FRMD3: variants seen among roughly 807,000 people sequenced by gnomAD.
FRMD3 encodes FERM domain containing 3.
In FRMD3, 33 loss-of-function variants were observed where a neutral mutation model predicts 70.2. The ratio of observed to expected loss-of-function variants is 0.47; its 90% CI spans 0.36 to 0.63. The LOEUF is 0.63. Among genes scored for constraint, FRMD3 ranks in the 20% least tolerant of loss-of-function variants. The pLI is 0.00. For synonymous variants in FRMD3, 279 were observed against 255.9 expected (o/e 1.09, Z -0.86); for missense variants, 632 against 711.4 (o/e 0.89, Z 1.27).
chr9:83,389,243 C>T (rs1019887496), intron 2 of FRMD3, among the ~76,000 whole-genome samples: 3 of 152,096 alleles, frequency 2.0e-5, no homozygotes, highest in South Asian at 2.1e-4. Context: ...CCACAGAGCC[C>T]AGCCTCAATA....
chr9:83,583,155 G>C, the FRMD3 span, among the ~76,000 whole-genome samples: 1 of 152,104 alleles, frequency 6.6e-6, no homozygotes, highest in Non-Finnish European at 1.5e-5. Context: ...ATTCGCTTTA[G>C]AGAAACTATT....
At chr9:83,271,346 T>C (rs1833544272) in intron 13 of FRMD3, among the ~76,000 whole-genome samples, 1 of 152,210 alleles carries the variant, frequency 6.6e-6, no homozygotes, top group African/African-American at 2.4e-5. Context: ...AAGTATCCAT[T>C]AAAAAGAGTC....
At chr9:83,579,084 C>T in the FRMD3 span, among the ~76,000 whole-genome samples, 4 of 151,646 alleles carry the variant, frequency 2.6e-5, no homozygotes, top group Admixed American at 6.6e-5. Flanking sequence ...AAAATTTAAA[C>T]CTTAGGGGTA....
At chr9:83,563,284 A>T in the FRMD3 span, among the ~76,000 whole-genome samples, 1 of 152,024 alleles carries the variant, frequency 6.6e-6, no homozygotes, top group Non-Finnish European at 1.5e-5. Context: ...ACTCCACACC[A>T]CTTCCTTCAG....
At chr9:83,561,091 A>T in the FRMD3 span, among the ~76,000 whole-genome samples, 1 of 152,082 alleles carries the variant, frequency 6.6e-6, no homozygotes, top group African/African-American at 2.4e-5. Flanking sequence ...TTTAACCCCA[A>T]GTTTGCTTTT....
intron 1 of FRMD3, among the ~76,000 whole-genome samples, chr9:83,427,599 A>C (rs1364656958): frequency 1.3e-5 from 2 of 152,188 alleles, no homozygotes; most frequent in African/African-American, 4.8e-5. Flanking sequence ...GTTCTCTGAC[A>C]GATGAAAGTA....
chr9:83,502,833 A>G (rs1309366173), intron 1 of FRMD3, among the ~76,000 whole-genome samples: 1 of 152,222 alleles, frequency 6.6e-6, no homozygotes, highest in East Asian at 1.9e-4. Flanking sequence ...AGAGTCAGAC[A>G]GAAACACTAA....
At chr9:83,297,634 C>T (rs2119012760) in intron 12 of FRMD3, 1 of 422,324 alleles carries the variant, frequency 2.4e-6, no homozygotes, top group Non-Finnish European at 4.8e-6. Flanking sequence ...AGACTTTTCT[C>T]ATTGGTGGGC....
At chr9:83,500,383 T>C (rs948890015) in intron 1 of FRMD3, among the ~76,000 whole-genome samples, 3 of 137,448 alleles carry the variant, frequency 2.2e-5, no homozygotes, top group Non-Finnish European at 4.9e-5. Context: ...TTTTTCTATA[T>C]GCCTACAACT....
chr9:83,315,879 T>C (rs1835547791), intron 6 of FRMD3, among the ~76,000 whole-genome samples: 1 of 152,106 alleles, frequency 6.6e-6, no homozygotes, highest in Admixed American at 6.5e-5. Context: ...GGGGTCAAAG[T>C]TGTCCACTTG....
At chr9:83,465,919 G>C (rs1828113904) in intron 1 of FRMD3, among the ~76,000 whole-genome samples, 1 of 152,180 alleles carries the variant, frequency 6.6e-6, no homozygotes, top group Non-Finnish European at 1.5e-5. Flanking sequence ...AGGCTCTTTA[G>C]ATAAATCAGG....
At chr9:83,442,537 T>C (rs555035130) in intron 1 of FRMD3, among the ~76,000 whole-genome samples, 4 of 152,020 alleles carry the variant, frequency 2.6e-5, no homozygotes, top group Admixed American at 1.3e-4. Flanking sequence ...GGATTACACA[T>C]GGAACTTACA....
chr9:83,542,778 G>C (rs1233482874), upstream of FRMD3, among the ~76,000 whole-genome samples: 1 of 152,110 alleles, frequency 6.6e-6, no homozygotes, highest in Non-Finnish European at 1.5e-5. Flanking sequence ...ACAAAATAGA[G>C]GGACCAGAAA....
chr9:83,370,310 T>C (rs1295243242), intron 3 of FRMD3, among the ~76,000 whole-genome samples: 1 of 152,196 alleles, frequency 6.6e-6, no homozygotes, highest in African/African-American at 2.4e-5. Context: ...AAAGTTAATA[T>C]TTCTAGGGCA....
intron 1 of FRMD3, among the ~76,000 whole-genome samples, chr9:83,403,491 G>C (rs12339003): frequency 0.2 from 30,512 of 152,018 alleles, 4,417 homozygotes; most frequent in African/African-American, 0.4. Flanking sequence ...GCCTAGGTAG[G>C]ATCCTGAGAA....
At chr9:83,419,087 A>G (rs1217590925) in intron 1 of FRMD3, among the ~76,000 whole-genome samples, 1 of 152,148 alleles carries the variant, frequency 6.6e-6, no homozygotes, top group East Asian at 1.9e-4. Context: ...CTAAGCTATG[A>G]GTACACAAAG....
chr9:83,463,124 T>TG (rs925707453), intron 1 of FRMD3, among the ~76,000 whole-genome samples: 16 of 152,208 alleles, frequency 1.1e-4, no homozygotes, highest in African/African-American at 3.9e-4. Flanking sequence ...AATACCAGAA[T>TG]GGGGGGACTC....
intron 6 of FRMD3, among the ~76,000 whole-genome samples, chr9:83,318,607 T>C (rs766753398): frequency 6.6e-6 from 1 of 152,156 alleles, no homozygotes; most frequent in Non-Finnish European, 1.5e-5. Flanking sequence ...TGAGTGCCGG[T>C]ATCTCTTTGA....
intron 13 of FRMD3, among the ~76,000 whole-genome samples, chr9:83,277,391 G>T (rs189693649): frequency 1.3e-5 from 2 of 152,068 alleles, no homozygotes; most frequent in African/African-American, 4.8e-5. Flanking sequence ...AAGAGATGGA[G>T]TCTCACTCTG....
Sources: gnomAD v4.1 joint callset for allele counts (sites outside exome capture counted in the v4.1 genomes callset) on GRCh38, gnomAD v4.1.1 for gene constraint, MANE v1.5 for transcripts, NCBI Gene and HGNC (gene_info 2026-07-23, HGNC 2026-07-21) for gene names.